Variants in CCR7 observed in about 807,000 individuals in gnomAD.
The protein encoded by CCR7 is C-C chemokine receptor type 7.
In CCR7, 11 loss-of-function variants were observed where a neutral mutation model predicts 26.0. The observed-to-expected ratio is 0.42, with a 90% confidence interval of 0.27 to 0.70. The LOEUF is 0.70. Ranked by LOEUF, CCR7 falls within the 30% of genes least tolerant of loss-of-function variation. The probability of loss-of-function intolerance (pLI) is 0.23; values close to 1 mark genes in which losing one functional copy is unlikely to be tolerated. For synonymous variants in CCR7, 189 were observed against 202.1 expected (o/e 0.94, Z 0.55); for missense variants, 360 against 504.0 (o/e 0.71, Z 2.74).
At position 40,555,649 on chromosome 17, in the gene CCR7, C is replaced by T; in HGVS notation, c.230G>A (p.Gly77Glu). 1.2e-6 allele frequency: 2 copies of T among 1,614,134 alleles called. No individual in the cohort carries two copies. The highest frequency in any genetic ancestry group is 1.7e-6 in the Non-Finnish European group (2 of 1,180,024). The change falls in exon 3 of 3, where the codon GGG becomes GAG. Residue 77 changes from glycine to glutamate, a missense_variant. Coordinates refer to ENST00000246657, the MANE Select transcript of CCR7 (RefSeq NM_001838.4). The surrounding 1 kb of genome is among the most constrained non-coding windows in gnomAD (Gnocchi z 5.6). ...IICFVGLLGN[G>E]LVVLTYIYFK... ...ATAGATATAGGTCAACACGACCAGC[C>T]CATTGCCCAGTAGGCCCACGAAACA...
intron 1 of CCR7, among the ~76,000 whole-genome samples, chr17:40,559,509 C>T (rs1296301750): frequency 6.6e-6 from 1 of 152,186 alleles, no homozygotes; most frequent in African/African-American, 2.4e-5. Context: ...AGGAGGATGA[C>T]CTCACAGGCT....
intron 1 of CCR7, among the ~76,000 whole-genome samples, chr17:40,562,724 G>A (rs372942741): frequency 9.9e-5 from 15 of 152,212 alleles, no homozygotes; most frequent in African/African-American, 3.4e-4. Flanking sequence ...TCCTTGGCAT[G>A]GCCAGCTACT....
At position 40,554,909 on chromosome 17, in the gene CCR7, A is replaced by C; in HGVS notation, c.970T>G (p.Phe324Val). 1 of 1,614,200 alleles carries C rather than the reference A, an allele frequency of 6.2e-7. No homozygotes were observed. The highest frequency in any genetic ancestry group is 1.1e-5 in the South Asian group (1 of 91,082). The change falls in exon 3 of 3, where the codon TTC (phenylalanine) becomes GTC (valine). Residue 324 changes from phenylalanine (F) to valine (V), a missense_variant. By Grantham distance (50) the Phe-to-Val change is conservative. Transcript: ENST00000246657. ...TTGACGCCGATGAAGGCGTACAAGA[A>C]AGGGTTGACGCAGCAGCGGACGCAG... ...LACVRCCVNP[F>V]LYAFIGVKFR...
chr17:40,562,481 G>A (rs72819672), intron 1 of CCR7, among the ~76,000 whole-genome samples: 5,795 of 151,948 alleles, frequency 0.038, 179 homozygotes, highest in Non-Finnish European at 0.058. Flanking sequence ...CCAACATCCC[G>A]GCCCCCAAAA....
chr17:40,555,168 C>G lies in CCR7; in HGVS notation c.711G>C (p.Leu237=). The G allele has an allele frequency of 1.2e-6, 2 of 1,614,142 alleles. No homozygotes were observed. The highest frequency in any genetic ancestry group is 1.7e-6 in the Non-Finnish European group (2 of 1,180,020). The part of the protein sequence containing the change: ...QMVIGFLVPL[L]AMSFCYLVII... ...TGACAAGGTAACAGAAGCTCATGGC[C>G]AGCAGGGGGACCAGAAAGCCGATCA... Residue 237 remains leucine (L), a synonymous_variant, in exon 3 of 3, where the codon CTG becomes CTC. Coordinates refer to ENST00000246657, the MANE Select transcript of CCR7 (RefSeq NM_001838.4). This position sits in a 1 kb window ranked among gnomAD's most constrained non-coding sequence, Gnocchi z 5.6.
chr17:40,555,870 A>G lies in CCR7; in HGVS notation c.61-52T>C, dbSNP rs768047712. 15 of 1,291,072 alleles carry G rather than the reference A, an allele frequency of 1.2e-5. No individual in the cohort carries two copies. In the South Asian group the frequency reaches 1.5e-4, roughly 13 times the overall value. The allele number at this position is 1,291,072 out of a possible 1,614,324, so 80.0% of individuals were successfully genotyped here. On this transcript the variant is annotated intron_variant, in intron 2 of 2. Coordinates refer to ENST00000246657, the MANE Select transcript of CCR7 (RefSeq NM_001838.4). This position sits in a 1 kb window ranked among gnomAD's most constrained non-coding sequence, Gnocchi z 5.6. ...AGGCCAGTTTAGCTGGGTGGCTCCA[A>G]CTCTGGCTGGGATTTAGCCTAGAGC...
chr17:40,562,284 G>T (rs960510443), intron 1 of CCR7, among the ~76,000 whole-genome samples: 1 of 152,156 alleles, frequency 6.6e-6, no homozygotes, highest in Non-Finnish European at 1.5e-5. Context: ...TAAGCCAAAT[G>T]CCTGGGGCCA....
At chr17:40,561,218 T>C (rs2036652389) in intron 1 of CCR7, among the ~76,000 whole-genome samples, 1 of 152,216 alleles carries the variant, frequency 6.6e-6, no homozygotes, top group Admixed American at 6.5e-5. Context: ...GCTGTTCCCG[T>C]CAGGGGAGGG....
At chr17:40,559,541 T>C (rs1209716741) in intron 1 of CCR7, among the ~76,000 whole-genome samples, 1 of 152,148 alleles carries the variant, frequency 6.6e-6, no homozygotes, top group African/African-American at 2.4e-5. Context: ...TGAGGTTCCT[T>C]ACTGGTCCAC....
intron 1 of CCR7, among the ~76,000 whole-genome samples, chr17:40,563,998 C>T (rs2036680654): frequency 6.6e-6 from 1 of 152,018 alleles, no homozygotes; most frequent in Non-Finnish European, 1.5e-5. Flanking sequence ...TGCCCAGTAG[C>T]ACACCACTGG....
chr17:40,554,607 C>T lies in CCR7; in HGVS notation c.*135G>A. ...GTGAAGCTATCTTCTGGAGCAGGGG[C>T]TTGCACTCTGAGGGGAGAGCTGCTT... is the stretch of plus-strand genomic sequence containing the variant. On this transcript the variant is annotated 3_prime_UTR_variant, in exon 3 of 3. Coordinates refer to ENST00000246657, the MANE Select transcript of CCR7 (RefSeq NM_001838.4). The T allele has an allele frequency of 1.4e-6, 1 of 713,848 alleles. No homozygotes were observed. The highest frequency in any genetic ancestry group is 2.4e-6 in the Non-Finnish European group (1 of 414,692). 44.2% of individuals were successfully genotyped at this position (713,848 alleles called of 1,614,324 possible). A position where few individuals can be genotyped will look rare whatever the true frequency, so the allele number is the denominator to read the frequency against.
Position 40,555,899 on chromosome 17 carries a change from G to A in CCR7, c.61-81C>T, listed in dbSNP as rs1025479743. The A allele has an allele frequency of 8.4e-6, 8 of 950,374 alleles. No homozygotes were observed. The African/African-American group carries it at 1.2e-4, about 14-fold the overall frequency. 58.9% of individuals were successfully genotyped at this position (950,374 alleles called of 1,614,324 possible). ...TGGCTGGGATTTAGCCTAGAGCAGT[G>A]GTTTCTTTCTTTTTTTTTTTTCTTG... On this transcript the variant is annotated intron_variant, in intron 2 of 2. Coordinates refer to ENST00000246657, the MANE Select transcript of CCR7 (RefSeq NM_001838.4). The surrounding 1 kb of genome is among the most constrained non-coding windows in gnomAD (Gnocchi z 5.6).
In CCR7 at chr17:40,554,664, C is replaced by T; in HGVS notation, c.*78G>A. On this transcript the variant is annotated 3_prime_UTR_variant, in exon 3 of 3. Coordinates refer to ENST00000246657, the MANE Select transcript of CCR7 (RefSeq NM_001838.4). ...GAGCAGCTTTTGGCGGGGGGATGTCCTGAGTCATTGCATCTGCTCCCTATC... is the reference window on the plus strand; with the variant it reads ...GAGCAGCTTTTGGCGGGGGGATGTCTTGAGTCATTGCATCTGCTCCCTATC... The T allele has an allele frequency of 8.8e-7, 1 of 1,141,302 alleles. No individual in the cohort carries two copies. Among genetic ancestry groups the T allele is most frequent in the Non-Finnish European group, 1.3e-6 (1 of 792,316 alleles). The allele number at this position is 1,141,302 out of a possible 1,614,324, so 70.7% of individuals were successfully genotyped here. A position where few individuals can be genotyped will look rare whatever the true frequency, so the allele number is the denominator to read the frequency against.
chr17:40,561,670 A>T (rs1424005092), intron 1 of CCR7, among the ~76,000 whole-genome samples: 1 of 152,108 alleles, frequency 6.6e-6, no homozygotes, highest in Non-Finnish European at 1.5e-5. Flanking sequence ...TTCCATCCCC[A>T]CATTTTTCCA....
chr17:40,557,140 A>T (rs955589558), intron 2 of CCR7, among the ~76,000 whole-genome samples: 4 of 152,142 alleles, frequency 2.6e-5, no homozygotes, highest in Non-Finnish European at 4.4e-5. Flanking sequence ...GGCAGATCCC[A>T]ATCAGCAGGA....
At chr17:40,558,851 T>G in intron 2 of CCR7, 42 bp downstream of exon 2, 1 of 1,577,144 alleles carries the variant, frequency 6.3e-7, no homozygotes, top group Non-Finnish European at 8.7e-7. Flanking sequence ...TGGGAGGCCG[T>G]GTGGAGAAGG....
intron 2 of CCR7, among the ~76,000 whole-genome samples, chr17:40,558,213 G>A (rs2036613843): frequency 6.6e-6 from 1 of 152,178 alleles, no homozygotes; most frequent in East Asian, 1.9e-4. Flanking sequence ...TTGACTCTGC[G>A]AGTTACAGTT....
Position 40,565,389 on chromosome 17 carries a change from G to T in CCR7, c.10+11C>A. The T allele has an allele frequency of 6.2e-7, 1 of 1,612,058 alleles. No individual in the cohort carries two copies. Among genetic ancestry groups the T allele is most frequent in the Non-Finnish European group, 8.5e-7 (1 of 1,178,128 alleles). On this transcript the variant is annotated intron_variant, in intron 1 of 2. Transcript: ENST00000246657. ...GGTACTGTTCCTTCTCACATGAAGA[G>T]GCTCACTCACCCAGGTCCATGACGC...
chr17:40,555,141 G>A lies in CCR7; in HGVS notation c.738C>T (p.Ile246=). The A allele has an allele frequency of 1.2e-6, 2 of 1,614,204 alleles. No homozygotes were observed. Among genetic ancestry groups the A allele is most frequent in the Non-Finnish European group, 1.7e-6 (2 of 1,180,032 alleles). ...LLAMSFCYLV[I]IRTLLQARNF... Reference sequence around the variant, plus strand: ...TGCGTGCCTGGAGCAGGGTGCGGATGATGACAAGGTAACAGAAGCTCATGG... The same window carrying A: ...TGCGTGCCTGGAGCAGGGTGCGGATAATGACAAGGTAACAGAAGCTCATGG... Residue 246 remains isoleucine (I), a synonymous_variant, in exon 3 of 3, where the codon ATC becomes ATT. Transcript: ENST00000246657. The surrounding 1 kb of genome is among the most constrained non-coding windows in gnomAD (Gnocchi z 5.6).
Sources: gnomAD v4.1 joint callset for allele counts (sites outside exome capture counted in the v4.1 genomes callset) on GRCh38, gnomAD v4.1.1 for gene constraint, Gnocchi (gnomAD v3.1) non-coding constraint, MANE v1.5 for transcripts, NCBI Gene and HGNC (gene_info 2026-07-23, HGNC 2026-07-21) for gene names.